The following ADGRL2 variants were observed in gnomAD, a reference collection of about 807,000 sequenced individuals.
ADGRL2 encodes calcium-independent alpha-latrotoxin receptor 2.
Under a neutral mutation model 157.4 loss-of-function variants are expected in ADGRL2, and 44 were observed. The observed-to-expected ratio is 0.28, with a 90% CI of 0.22 to 0.36. The LOEUF (loss-of-function observed/expected upper bound fraction) is 0.36, where lower values mean the gene tolerates loss of function less well. Among genes scored for constraint, ADGRL2 ranks in the 10% least tolerant of loss-of-function variants. The pLI is 1.00. For synonymous variants in ADGRL2, 585 were observed against 624.7 expected (o/e 0.94, Z 0.95); for missense variants, 1,510 against 1,768.9 (o/e 0.85, Z 2.63).
rs1164374380 is a variant in ADGRL2 at position 81,342,225 on chromosome 1, G to GC, written c.-302+35719dup. 6.6e-5 allele frequency among the ~76,000 whole-genome samples: 10 copies of GC among 152,236 alleles called. No individual in the cohort carries two copies. The South Asian group carries it at 2.1e-3, about 32-fold the overall frequency. On this transcript the variant is annotated intron_variant, in intron 1 of 24. Coordinates refer to the ADGRL2 transcript ENST00000370721. ...CCTTGGTAAGATTATTGTCATAAATGCCCAAATGAATCTACTAAAAATATT... is the reference window on the plus strand; with the variant it reads ...CCTTGGTAAGATTATTGTCATAAATGCCCCAAATGAATCTACTAAAAATATT...
At chr1:81,820,254 T>C (rs991401785) in intron 1 of ADGRL2, among the ~76,000 whole-genome samples, 3 of 152,188 alleles carry the variant, frequency 2.0e-5, no homozygotes, top group Admixed American at 6.6e-5. Flanking sequence ...TCACAAATTG[T>C]GCTGGAACCT....
chr1:81,526,075 A>T (rs2079447381), intron 2 of ADGRL2, among the ~76,000 whole-genome samples: 1 of 143,700 alleles, frequency 7.0e-6, no homozygotes, highest in African/African-American at 2.8e-5. Context: ...TAATTGGACA[A>T]AGAATTTTCT....
intron 3 of ADGRL2, among the ~76,000 whole-genome samples, chr1:81,676,256 G>A (rs574899305): frequency 2.6e-5 from 4 of 152,122 alleles, no homozygotes; most frequent in Admixed American, 1.3e-4. Context: ...TGATCTGCCC[G>A]CCTCGGCCTC....
intron 3 of ADGRL2, among the ~76,000 whole-genome samples, chr1:81,679,411 A>AAT (rs1382717950): frequency 1.3e-5 from 2 of 151,814 alleles, no homozygotes; most frequent in Non-Finnish European, 1.5e-5. Flanking sequence ...TAGTAAGAAA[A>AAT]AAAAAAAACA....
At chr1:81,669,732 G>A (rs540826596) in intron 3 of ADGRL2, among the ~76,000 whole-genome samples, 1 of 152,160 alleles carries the variant, frequency 6.6e-6, no homozygotes, top group South Asian at 2.1e-4. Flanking sequence ...CATGAGGTCA[G>A]GAGATCGAGA....
chr1:81,742,750 T>C (rs2085113373), intron 1 of ADGRL2, among the ~76,000 whole-genome samples: 1 of 152,092 alleles, frequency 6.6e-6, no homozygotes, highest in Non-Finnish European at 1.5e-5. Flanking sequence ...AATGAATGTC[T>C]CTATGTTTGC....
intron 1 of ADGRL2, among the ~76,000 whole-genome samples, chr1:81,372,392 G>T (rs567472155): frequency 6.6e-6 from 1 of 152,150 alleles, no homozygotes; most frequent in African/African-American, 2.4e-5. Context: ...AAGGAGGGCC[G>T]AGATGGCAAA....
Position 81,966,412 on chromosome 1 carries a change from A to G in ADGRL2, c.2152A>G (p.Lys718Glu), listed in dbSNP as rs1657055729. ...VKQNSRNGLA[K>E]LVFIIYRSLG... Reference sequence around the variant, plus strand: ...TATTTTTACCTTCCTAGGGCTTGCAAAGTTGGTGTTCATCATTTACCGGAG... The same window carrying G: ...TATTTTTACCTTCCTAGGGCTTGCAGAGTTGGTGTTCATCATTTACCGGAG... The change falls in exon 13 of 24, where the codon AAG becomes GAG. Residue 718 changes from lysine to glutamate, a missense_variant. Physicochemically the swap from Lys to Glu is moderately conservative, Grantham distance 56 (BLOSUM62 1). Transcript: ENST00000686636. 3 of 1,614,012 alleles carry G rather than the reference A, an allele frequency of 1.9e-6. No homozygotes were observed. Among genetic ancestry groups the G allele is most frequent in the African/African-American group, 1.3e-5 (1 of 75,028 alleles).
In ADGRL2 at chr1:81,667,405, G is replaced by A. The variant is rs376267900; in HGVS notation, c.-143+86425G>A. Among the ~76,000 whole-genome samples, 157 of 152,166 alleles carry A rather than the reference G, an allele frequency of 1.0e-3. 1 individual carries two copies. Among genetic ancestry groups the A allele is most frequent in the African/African-American group, 3.7e-3 (152 of 41,532 alleles). Reference sequence around the variant, plus strand: ...GTCTATTAATCCTCTAATTATGTTCGTGAATATATTTAATTTTTGATCTTC... The same window carrying A: ...GTCTATTAATCCTCTAATTATGTTCATGAATATATTTAATTTTTGATCTTC... On this transcript the variant is annotated intron_variant, in intron 3 of 24. Coordinates refer to the ADGRL2 transcript ENST00000370721.
chr1:81,698,651 A>G (rs2083494506), upstream of ADGRL2, among the ~76,000 whole-genome samples: 1 of 152,164 alleles, frequency 6.6e-6, no homozygotes, highest in Non-Finnish European at 1.5e-5. Flanking sequence ...GGTCTGAGAA[A>G]ATTAAAATCC....
At chr1:81,626,995 G>C (rs963618022) in intron 3 of ADGRL2, among the ~76,000 whole-genome samples, 10 of 152,068 alleles carry the variant, frequency 6.6e-5, no homozygotes, top group Non-Finnish European at 1.2e-4. Context: ...TTTTGCTTCA[G>C]TACTTTATTC....
Position 81,991,070 on chromosome 1 carries a change from C to G in ADGRL2, c.4335C>G (p.Ile1445Met). Residue 1445 changes from isoleucine (I) to methionine (M), a missense_variant, in exon 24 of 24, where the codon ATC becomes ATG. Around this residue, in one of 4 missense-constraint regions of ADGRL2, gnomAD observed 327 missense variants for 310.1 expected, o/e 1.05. Coordinates refer to ENST00000686636, the MANE Select transcript of ADGRL2 (RefSeq NM_001366006.2). ...GGGGCAATAGTGATGGTTATATAATCCCCATTAACAAAGAAGGGTGTATTC... is the reference window on the plus strand; with the variant it reads ...GGGGCAATAGTGATGGTTATATAATGCCCATTAACAAAGAAGGGTGTATTC... ...ISRGNSDGYI[I>M]PINKEGCIPE... is the part of the protein sequence containing the mutation. 1.9e-6 allele frequency: 3 copies of G among 1,613,280 alleles called. No homozygotes were observed. The South Asian group carries it at 3.3e-5, about 18-fold the overall frequency.
intron 4 of ADGRL2, among the ~76,000 whole-genome samples, chr1:81,941,719 T>C (rs1572256575): frequency 6.6e-6 from 1 of 151,860 alleles, no homozygotes; most frequent in Non-Finnish European, 1.5e-5. Context: ...CAAGAGTATG[T>C]ATACCATGCA....
At chr1:81,652,229 T>G (rs540317028) in intron 3 of ADGRL2, among the ~76,000 whole-genome samples, 1 of 152,330 alleles carries the variant, frequency 6.6e-6, no homozygotes, top group Non-Finnish European at 1.5e-5. Context: ...CCAAATAAAC[T>G]ACATTTCTGT....
chr1:81,635,784 C>T (rs1484308419), intron 3 of ADGRL2, among the ~76,000 whole-genome samples: 1 of 152,190 alleles, frequency 6.6e-6, no homozygotes, highest in Non-Finnish European at 1.5e-5. Flanking sequence ...ATTCACACCA[C>T]AGCAGTGGGC....
At chr1:81,809,739 T>G (rs1299743057) in intron 1 of ADGRL2, among the ~76,000 whole-genome samples, 3 of 152,008 alleles carry the variant, frequency 2.0e-5, no homozygotes, top group East Asian at 1.9e-4. Flanking sequence ...TATAGTCTGT[T>G]TCTCTGTATA....
intron 1 of ADGRL2, among the ~76,000 whole-genome samples, chr1:81,309,311 A>G (rs896207403): frequency 6.6e-6 from 1 of 152,164 alleles, no homozygotes; most frequent in African/African-American, 2.4e-5. Flanking sequence ...TTTATAGGTA[A>G]TAACTTAAAT....
chr1:81,548,089 T>A (rs1392789528), intron 2 of ADGRL2, among the ~76,000 whole-genome samples: 6 of 152,140 alleles, frequency 3.9e-5, no homozygotes, highest in Non-Finnish European at 8.8e-5. Flanking sequence ...TAAAATAGTG[T>A]TTCTCAGTTT....
At chr1:81,470,664 G>A (rs1455684566) in intron 2 of ADGRL2, among the ~76,000 whole-genome samples, 1 of 152,080 alleles carries the variant, frequency 6.6e-6, no homozygotes, top group Non-Finnish European at 1.5e-5. Context: ...CTTCTTTGTG[G>A]GTGGGTTGTA....
Sources: allele counts gnomAD v4.1 joint callset (sites outside exome capture counted in the v4.1 genomes callset), GRCh38; gene constraint gnomAD v4.1.1; regional missense constraint gnomAD v4.1.1; transcripts MANE v1.5; gene names NCBI Gene and HGNC (gene_info 2026-07-23, HGNC 2026-07-21).